The following SFMBT2 variants were observed in gnomAD, a reference collection of about 807,000 sequenced individuals.
SFMBT2 encodes the protein scm-like with four MBT domains protein 2.
Under a neutral mutation model 110.1 loss-of-function variants are expected in SFMBT2, and 38 were observed. The observed-to-expected ratio is 0.35, with a 90% confidence interval of 0.27 to 0.45. SFMBT2 has a LOEUF of 0.45. Among genes scored for constraint, SFMBT2 ranks in the 20% least tolerant of loss-of-function variants. The pLI is 1.00. For missense variants in SFMBT2, 1,011 were observed against 1,094.9 expected (o/e 0.92, Z 1.08); for synonymous variants, 425 against 425.4 (o/e 1.00, Z 0.01).
intron 1 of SFMBT2, among the ~76,000 whole-genome samples, chr10:7,383,930 G>C: frequency 6.6e-6 from 1 of 152,044 alleles, no homozygotes; most frequent in East Asian, 1.9e-4. Flanking sequence ...TCACAGAAAG[G>C]CTGAGTGCGG....
At chr10:7,264,102 A>G (rs1368311015) in intron 7 of SFMBT2, 1 of 244,044 alleles carries the variant, frequency 4.1e-6, no homozygotes, top group East Asian at 1.8e-4. Flanking sequence ...GAAGGTCTTT[A>G]TTTCTTTCTT....
intron 4 of SFMBT2, among the ~76,000 whole-genome samples, chr10:7,324,609 T>C (rs921388823): frequency 6.6e-6 from 1 of 152,232 alleles, no homozygotes; most frequent in Non-Finnish European, 1.5e-5. Context: ...GGAATGGTTG[T>C]TCTTACCAGC....
intron 15 of SFMBT2, among the ~76,000 whole-genome samples, chr10:7,196,515 C>T (rs929831218): frequency 2.6e-5 from 4 of 152,216 alleles, no homozygotes; most frequent in Admixed American, 6.5e-5. Flanking sequence ...GCCTCTCTCT[C>T]GGACGCCCAA....
chr10:7,234,293 T>C (rs902359622), intron 9 of SFMBT2, among the ~76,000 whole-genome samples: 2 of 152,208 alleles, frequency 1.3e-5, no homozygotes, highest in Non-Finnish European at 2.9e-5. Flanking sequence ...GCCTTCCTTA[T>C]CTTTTAAAAC....
intron 11 of SFMBT2, among the ~76,000 whole-genome samples, chr10:7,217,094 C>G (rs1308574591): frequency 1.3e-5 from 2 of 152,174 alleles, no homozygotes; most frequent in East Asian, 3.8e-4. Flanking sequence ...ACAAATCCAG[C>G]ATGATTTGAC....
intron 12 of SFMBT2, chr10:7,205,136 G>A (rs1839086291): frequency 9.1e-6 from 2 of 220,864 alleles, no homozygotes; most frequent in Non-Finnish European, 1.5e-5. Flanking sequence ...GTCTACTGGT[G>A]CTTGGTTGCC....
chr10:7,158,626 G>T lies in SFMBT2; in HGVS notation c.*5144C>A, dbSNP rs914721190. 1.3e-5 allele frequency: 2 copies of T among 152,082 alleles called. No homozygotes were observed. Among genetic ancestry groups the T allele is most frequent in the Admixed American group, 6.5e-5 (1 of 15,270 alleles). 9.4% of individuals were successfully genotyped at this position (152,082 alleles called of 1,614,324 possible). On this transcript the variant is annotated 3_prime_UTR_variant, in exon 21 of 21. Transcript: ENST00000397167. The stretch of plus-strand genomic sequence containing the variant: ...ACACAAAGACCCAAACACCACCATA[G>T]AATTTATTTTTACTTTATTAACAAT...
chr10:7,387,373 A>T (rs529223152), intron 1 of SFMBT2, among the ~76,000 whole-genome samples: 1 of 152,192 alleles, frequency 6.6e-6, no homozygotes, highest in Non-Finnish European at 1.5e-5. Flanking sequence ...GCCAGACACC[A>T]CGTTGGGCAC....
rs939771906 is a variant in SFMBT2, at chr10:7,159,371, G to T, written c.*4399C>A. 2.0e-5 allele frequency: 3 copies of T among 152,014 alleles called. No homozygotes were observed. The highest frequency in any genetic ancestry group is 4.4e-5 in the Non-Finnish European group (3 of 68,016). 9.4% of individuals were successfully genotyped at this position (152,014 alleles called of 1,614,324 possible). ...TTTGATTTTATCATAGTATGTTTGGGGTATCTGCAAACCATTCTAGTGATA... is the reference window on the plus strand; with the variant it reads ...TTTGATTTTATCATAGTATGTTTGGTGTATCTGCAAACCATTCTAGTGATA... On this transcript the variant is annotated 3_prime_UTR_variant, in exon 21 of 21. Transcript: ENST00000397167.
chr10:7,370,846 A>C (rs1845043088), intron 2 of SFMBT2: 2 of 973,084 alleles, frequency 2.1e-6, no homozygotes, highest in South Asian at 4.8e-5. Flanking sequence ...TTTTAAGGGG[A>C]AAAAGAGAAA....
chr10:7,188,236 A>G (rs1838482167), intron 16 of SFMBT2, among the ~76,000 whole-genome samples: 1 of 152,232 alleles, frequency 6.6e-6, no homozygotes, highest in Non-Finnish European at 1.5e-5. Flanking sequence ...ATTTGCATTT[A>G]GCATAGTCTA....
At chr10:7,376,252 A>G (rs1845205868) in intron 2 of SFMBT2, among the ~76,000 whole-genome samples, 1 of 152,154 alleles carries the variant, frequency 6.6e-6, no homozygotes, top group Non-Finnish European at 1.5e-5. Flanking sequence ...GATGCTGTCT[A>G]TGGTGTCTGC....
chr10:7,191,077 A>G (rs1838586930), intron 15 of SFMBT2, among the ~76,000 whole-genome samples: 1 of 145,652 alleles, frequency 6.9e-6, no homozygotes, highest in South Asian at 2.1e-4. Flanking sequence ...AGCCATGTGG[A>G]TCTGTGAGTC....
At chr10:7,216,046 A>G (rs1171789448) in intron 11 of SFMBT2, among the ~76,000 whole-genome samples, 1 of 152,206 alleles carries the variant, frequency 6.6e-6, no homozygotes, top group Non-Finnish European at 1.5e-5. Context: ...AGCCCCTGCT[A>G]TAAGTAACAC....
chr10:7,241,400 T>G, intron 9 of SFMBT2: 1 of 890,674 alleles, frequency 1.1e-6, no homozygotes, highest in Non-Finnish European at 1.3e-6. Flanking sequence ...AATATTCTAC[T>G]TGATGTGTAG....
intron 13 of SFMBT2, 190 bp downstream of exon 13, chr10:7,202,290 G>A (rs1838979658): frequency 3.5e-6 from 1 of 288,942 alleles, no homozygotes; most frequent in South Asian, 1.3e-4. Flanking sequence ...CGAGTGCCTT[G>A]GGGAGCAGGC....
intron 16 of SFMBT2, among the ~76,000 whole-genome samples, chr10:7,186,545 A>G (rs1190323903): frequency 6.6e-6 from 1 of 151,526 alleles, no homozygotes; most frequent in African/African-American, 2.4e-5. Context: ...TCCTGGACTC[A>G]AGCGATTTGC....
intron 7 of SFMBT2, among the ~76,000 whole-genome samples, chr10:7,254,379 T>C (rs75903875): frequency 0.064 from 9,674 of 152,268 alleles, 415 homozygotes; most frequent in Admixed American, 0.089. Flanking sequence ...AGAACAGCTA[T>C]GGAAGATCCA....
At chr10:7,305,457 AT>A (rs2131890050) in intron 4 of SFMBT2, among the ~76,000 whole-genome samples, 1 of 152,298 alleles carries the variant, frequency 6.6e-6, no homozygotes, top group South Asian at 2.1e-4. Context: ...CAGGGATGAT[AT>A]TTTATTGGGC....
Sources: allele counts gnomAD v4.1 joint callset (sites outside exome capture counted in the v4.1 genomes callset), GRCh38; gene constraint gnomAD v4.1.1; transcripts MANE v1.5; gene names NCBI Gene and HGNC (gene_info 2026-07-23, HGNC 2026-07-21).